GPM6A: variants seen among roughly 807,000 people sequenced by gnomAD.
The protein encoded by GPM6A is neuronal membrane glycoprotein M6-a.
A neutral mutation model predicts 32.1 loss-of-function variants in GPM6A; 7 were observed. That is an observed-to-expected ratio of 0.22 (90% CI 0.12 to 0.41). The LOEUF is 0.41. GPM6A is among the 10% of genes least tolerant of loss of function. The pLI is 1.00. For missense variants in GPM6A, 235 were observed against 347.2 expected (o/e 0.68, Z 2.57); for synonymous variants, 130 against 123.4 (o/e 1.05, Z -0.35).
intron 4 of GPM6A, among the ~76,000 whole-genome samples, chr4:175,647,633 T>A (rs1013144010): frequency 1.1e-4 from 17 of 152,290 alleles, no homozygotes; most frequent in Admixed American, 9.2e-4. Flanking sequence ...ACATATTAAA[T>A]ACCTAGTCTC....
intron 1 of GPM6A, among the ~76,000 whole-genome samples, chr4:175,977,097 G>T (rs996267019): frequency 5.9e-5 from 9 of 152,104 alleles, no homozygotes; most frequent in African/African-American, 2.2e-4. Flanking sequence ...TAATTAATAG[G>T]CAAATCAAAG....
intron 3 of GPM6A, among the ~76,000 whole-genome samples, chr4:175,658,089 C>T (rs143358775): frequency 5.9e-5 from 9 of 152,206 alleles, no homozygotes; most frequent in Non-Finnish European, 1.0e-4. Context: ...AAGTTGTGAT[C>T]GGAAAATTCT....
chr4:175,903,468 G>A lies in GPM6A; in HGVS notation c.-22-91219C>T, dbSNP rs550161545. 9.5e-4 allele frequency among the ~76,000 whole-genome samples: 144 copies of A among 152,220 alleles called. 1 individual carries two copies. The highest frequency in any genetic ancestry group is 3.1e-3 in the African/African-American group (128 of 41,536). The stretch of plus-strand genomic sequence containing the variant: ...AAAAAAATTTATATATCATCTCAAA[G>A]TATCTCCCCACAAACTACTTACTAA... On this transcript the variant is annotated intron_variant, in intron 1 of 7. Transcript: ENST00000280187.
intron 1 of GPM6A, among the ~76,000 whole-genome samples, chr4:175,984,154 TTTTA>T (rs1740898604): frequency 6.6e-6 from 1 of 152,046 alleles, no homozygotes; most frequent in African/African-American, 2.4e-5. Context: ...TATTGTTTAT[TTTTA>T]TTTATTTATT....
At chr4:175,885,997 TA>T (rs1340580200) in intron 1 of GPM6A, among the ~76,000 whole-genome samples, 1 of 150,598 alleles carries the variant, frequency 6.6e-6, no homozygotes, top group African/African-American at 2.5e-5. Context: ...AAACGTAAAA[TA>T]AAAAACAGCA....
At chr4:175,820,836 C>T (rs992820351) in intron 1 of GPM6A, among the ~76,000 whole-genome samples, 1 of 152,176 alleles carries the variant, frequency 6.6e-6, no homozygotes, top group Non-Finnish European at 1.5e-5. Flanking sequence ...AGAATATCTT[C>T]TTATATGTCT....
At chr4:175,736,500 A>C (rs920429502) in intron 1 of GPM6A, among the ~76,000 whole-genome samples, 2 of 152,188 alleles carry the variant, frequency 1.3e-5, no homozygotes. Flanking sequence ...TCTTTAAAAA[A>C]ATTTGAAAAT....
At chr4:175,853,979 T>A (rs1736341058) in intron 1 of GPM6A, among the ~76,000 whole-genome samples, 1 of 152,084 alleles carries the variant, frequency 6.6e-6, no homozygotes, top group Non-Finnish European at 1.5e-5. Context: ...GACTTAAATA[T>A]CTCACAAGGT....
At chr4:175,801,220 A>G (rs535957913) in intron 1 of GPM6A, among the ~76,000 whole-genome samples, 4 of 152,266 alleles carry the variant, frequency 2.6e-5, no homozygotes, top group African/African-American at 7.2e-5. Context: ...TACACTCCAC[A>G]TAAGTATAAT....
chr4:175,633,510 A>G lies in GPM6A; in HGVS notation c.*1395T>C, dbSNP rs1291357295. ...CTGAGAAAGGATTTCACAATGGTCAAATCAGTGCACAATACTACCTAGTTT... is the reference window on the plus strand; with the variant it reads ...CTGAGAAAGGATTTCACAATGGTCAGATCAGTGCACAATACTACCTAGTTT... On this transcript the variant is annotated 3_prime_UTR_variant, in exon 7 of 7. Coordinates refer to ENST00000393658, the MANE Select transcript of GPM6A (RefSeq NM_201591.3). 1 of 152,468 alleles carries G rather than the reference A, an allele frequency of 6.6e-6. No homozygotes were observed. Among genetic ancestry groups the G allele is most frequent in the African/African-American group, 2.4e-5 (1 of 41,440 alleles). The allele number at this position is 152,468 out of a possible 1,614,324, so 9.4% of individuals were successfully genotyped here. A position where few individuals can be genotyped will look rare whatever the true frequency, so the allele number is the denominator to read the frequency against.
At chr4:175,912,581 G>A (rs1461915135) in intron 1 of GPM6A, among the ~76,000 whole-genome samples, 2 of 152,096 alleles carry the variant, frequency 1.3e-5, no homozygotes, top group Non-Finnish European at 2.9e-5. Flanking sequence ...CTTGAACTTG[G>A]GAGGCAGAGG....
At chr4:175,853,591 C>A (rs1579568863) in intron 1 of GPM6A, among the ~76,000 whole-genome samples, 1 of 145,108 alleles carries the variant, frequency 6.9e-6, no homozygotes. Flanking sequence ...TTACTCTTTA[C>A]AAAGAATTAA....
intron 1 of GPM6A, among the ~76,000 whole-genome samples, chr4:175,923,103 A>G (rs1383018383): frequency 2.0e-5 from 3 of 151,636 alleles, no homozygotes; most frequent in Non-Finnish European, 4.4e-5. Context: ...TGATTTATAA[A>G]TCTTTTTCTA....
chr4:175,914,169 G>A (rs928460572), intron 1 of GPM6A, among the ~76,000 whole-genome samples: 2 of 151,952 alleles, frequency 1.3e-5, no homozygotes, highest in Non-Finnish European at 2.9e-5. Flanking sequence ...TGTGGGGGGG[G>A]TAGGGATATG....
chr4:175,952,935 A>G (rs1739863202), intron 1 of GPM6A, among the ~76,000 whole-genome samples: 2 of 151,548 alleles, frequency 1.3e-5, no homozygotes, highest in Non-Finnish European at 2.9e-5. Context: ...GGTCCTGACT[A>G]CTTGGGATTG....
Position 175,812,241 on chromosome 4 carries a change from C to T in GPM6A, c.-14G>A. 1 of 1,493,710 alleles carries T rather than the reference C, an allele frequency of 6.7e-7. No individual in the cohort carries two copies. 92.5% of individuals were successfully genotyped at this position (1,493,710 alleles called of 1,614,324 possible). ...ATTCTCTTCCATGGCTACCTTTCTT[C>T]AGTAGAATCTGGTACACGGAATTAA... On this transcript the variant is annotated 5_prime_UTR_variant, in exon 1 of 7. Transcript: ENST00000393658.
chr4:175,939,398 A>C (rs892366098), intron 1 of GPM6A, among the ~76,000 whole-genome samples: 1 of 152,200 alleles, frequency 6.6e-6, no homozygotes, highest in African/African-American at 2.4e-5. Flanking sequence ...TGTTATCTGA[A>C]TTAAGAGATT....
intron 1 of GPM6A, among the ~76,000 whole-genome samples, chr4:175,780,592 C>T (rs1250449139): frequency 6.6e-6 from 1 of 152,132 alleles, no homozygotes; most frequent in Non-Finnish European, 1.5e-5. Flanking sequence ...CTATATTTAC[C>T]TATTTTATAG....
chr4:175,887,459 A>G (rs1286530001), intron 1 of GPM6A, among the ~76,000 whole-genome samples: 2 of 152,008 alleles, frequency 1.3e-5, no homozygotes, highest in Non-Finnish European at 2.9e-5. Context: ...CATATTTTAG[A>G]AAGAAAAACA....
Sources: gnomAD v4.1 joint callset for allele counts (sites outside exome capture counted in the v4.1 genomes callset) on GRCh38, gnomAD v4.1.1 for gene constraint, MANE v1.5 for transcripts, NCBI Gene and HGNC (gene_info 2026-07-23, HGNC 2026-07-21) for gene names.